WNK1: variants seen among roughly 807,000 people sequenced by gnomAD.
WNK1 encodes serine/threonine-protein kinase WNK1.
A neutral mutation model predicts 222.8 loss-of-function variants in WNK1; 38 were observed. The observed-to-expected ratio is 0.17, with a 90% CI of 0.13 to 0.22. The LOEUF is 0.22. WNK1 is among the 10% of genes least tolerant of loss of function. The pLI, the probability that WNK1 is intolerant of heterozygous loss-of-function variation, is 1.00. For synonymous variants in WNK1, 1,090 were observed against 1,092.9 expected, an observed-to-expected ratio of 1.00 and a Z score of 0.05; for missense variants, 2,348 against 2,918.4, an observed-to-expected ratio of 0.80 and a Z score of 4.50.
chr12:782,129 T>C (rs1487396048), intron 1 of WNK1, among the ~76,000 whole-genome samples: 1 of 152,208 alleles, frequency 6.6e-6, no homozygotes, highest in Non-Finnish European at 1.5e-5. Context: ...TTTTAAATCA[T>C]TGTCATCGAC....
chr12:800,281 A>G (rs1446930695), intron 1 of WNK1, among the ~76,000 whole-genome samples: 2 of 152,124 alleles, frequency 1.3e-5, no homozygotes, highest in African/African-American at 4.8e-5. Context: ...GACACATCCT[A>G]CTTTTGCTTT....
chr12:908,861 G>GGGGGGGGGGGGGGGGGA lies in WNK1; in HGVS notation c.*69_*70insGGGGGGGGGGGGGGGGA. 4.1e-6 allele frequency: 2 copies of GGGGGGGGGGGGGGGGGA among 491,846 alleles called. No homozygotes were observed. The highest frequency in any genetic ancestry group is 6.0e-5 in the East Asian group (1 of 16,748). 30.5% of individuals were successfully genotyped at this position (491,846 alleles called of 1,614,324 possible). On this transcript the variant is annotated 3_prime_UTR_variant, in exon 28 of 28. Transcript: ENST00000315939. ...ATGCTGAGGGGGTGGGTGGGGGTGG[G>GGGGGGGGGGGGGGGGGA]AAGTAGCCTATATACTAACTACTAG...
chr12:858,576 G>A (rs191297388), intron 5 of WNK1, among the ~76,000 whole-genome samples: 1 of 152,200 alleles, frequency 6.6e-6, no homozygotes, highest in East Asian at 1.9e-4. Context: ...TCAGACTTCT[G>A]CTTGCCCAGT....
intron 9 of WNK1, 100 bp from the exon 10 acceptor site, chr12:878,112 C>T (rs1952791451): frequency 1.4e-6 from 2 of 1,459,392 alleles, no homozygotes; most frequent in Admixed American, 1.7e-5. Flanking sequence ...CTAAAATCAT[C>T]ATTATTTACA....
rs182040848 is a variant in WNK1 at position 832,794 on chromosome 12, T to C, written c.1311+2634T>C. ...CAGATTCTAATACACAATATAATTG[T>C]AATCCCTGAAGCACTGACTCTCAAT... On this transcript the variant is annotated intron_variant, in intron 4 of 27. Coordinates refer to ENST00000315939, the MANE Select transcript of WNK1 (RefSeq NM_018979.4). Among the ~76,000 whole-genome samples the C allele has an allele frequency of 4.0e-3, 614 of 152,366 alleles. 1 individual carries two copies. Among genetic ancestry groups the C allele is most frequent in the Non-Finnish European group, 7.0e-3 (475 of 68,028 alleles).
At chr12:769,618 A>G (rs772090865) in intron 1 of WNK1, among the ~76,000 whole-genome samples, 20 of 152,148 alleles carry the variant, frequency 1.3e-4, no homozygotes, top group Non-Finnish European at 2.4e-4. Flanking sequence ...TGCAGCAGCA[A>G]TTTCTCCTGG....
At chr12:892,878 G>T (rs1954384115) in intron 22 of WNK1, among the ~76,000 whole-genome samples, 1 of 152,178 alleles carries the variant, frequency 6.6e-6, no homozygotes, top group Non-Finnish European at 1.5e-5. Context: ...GTCTACTACA[G>T]TCTTAAATGG....
At chr12:810,310 A>G (rs1037502277) in intron 1 of WNK1, among the ~76,000 whole-genome samples, 1 of 152,130 alleles carries the variant, frequency 6.6e-6, no homozygotes, top group African/African-American at 2.4e-5. Context: ...AGAAAATGAT[A>G]AGGAGGGAGT....
intron 9 of WNK1, among the ~76,000 whole-genome samples, chr12:872,226 A>G (rs2154075226): frequency 6.6e-6 from 1 of 152,294 alleles, no homozygotes; most frequent in Admixed American, 6.5e-5. Flanking sequence ...CCCAGGTTCA[A>G]GCTATTCTCA....
intron 22 of WNK1, among the ~76,000 whole-genome samples, chr12:892,109 G>A (rs535169910): frequency 6.7e-6 from 1 of 148,932 alleles, no homozygotes; most frequent in Non-Finnish European, 1.5e-5. Context: ...AAGTTTTAGG[G>A]TACATGTGCA....
rs376366849 is a variant in WNK1, at chr12:828,510, G to T, written c.1153+1248G>T. 5.3e-4 allele frequency among the ~76,000 whole-genome samples: 80 copies of T among 152,098 alleles called. 3 individuals are homozygous for T. In the Middle Eastern group the frequency reaches 0.014, roughly 26 times the overall value. ...TTTGTTGCAAGGGGCTGTCTTGTACGTTGTAAGACTCTGGGGCAGCATTCC... is the reference window on the plus strand; with the variant it reads ...TTTGTTGCAAGGGGCTGTCTTGTACTTTGTAAGACTCTGGGGCAGCATTCC... On this transcript the variant is annotated intron_variant, in intron 3 of 27. Transcript: ENST00000315939.
rs541804202 is a variant in WNK1 at position 814,282 on chromosome 12, T to C, written c.932+468T>C. Among the ~76,000 whole-genome samples the C allele has an allele frequency of 3.4e-3, 506 of 147,330 alleles. 2 individuals are homozygous for C. Among genetic ancestry groups the C allele is most frequent in the Non-Finnish European group, 5.3e-3 (359 of 67,390 alleles). On this transcript the variant is annotated intron_variant, in intron 2 of 27. Transcript: ENST00000315939. Reference sequence around the variant, plus strand: ...AGGCGGAGGTTGCAGTGAGCTGAGATCACCTCACTTCATTCCAGCCTAGGT... The same window carrying C: ...AGGCGGAGGTTGCAGTGAGCTGAGACCACCTCACTTCATTCCAGCCTAGGT...
chr12:754,076 C>T lies in WNK1; in HGVS notation c.511C>T (p.Leu171Phe), dbSNP rs201447798. The T allele has an allele frequency of 2.5e-5, 40 of 1,608,598 alleles. No homozygotes were observed. The East Asian group carries it at 7.6e-4, about 31-fold the overall frequency. ...AGACCGCCCAGTGTCCCAGCCTAGC[C>T]TTGTGGGGAGCAAAGAGGAGCCGCC... is the stretch of plus-strand genomic sequence containing the variant. ...SKDRPVSQPS[L>F]VGSKEEPPPA... Residue 171 changes from leucine to phenylalanine, a missense_variant, in exon 1 of 28, where the codon CTT becomes TTT. By Grantham distance (22) the Leu-to-Phe change is conservative. Transcript: ENST00000315939.
Position 885,564 on chromosome 12 carries a change from G to A in WNK1, c.4760G>A (p.Gly1587Glu). The A allele has an allele frequency of 6.2e-7, 1 of 1,613,976 alleles. No homozygotes were observed. The highest frequency in any genetic ancestry group is 8.5e-7 in the Non-Finnish European group (1 of 1,180,006). ...ACTCCTATTCTTCCCCAAGCAGCAG[G>A]ACCTACTTCTACACCTTTATTACCC... ...ASTPILPQAA[G>E]PTSTPLLPQV... The change falls in exon 19 of 28, where the codon GGA becomes GAA. Residue 1587 changes from glycine to glutamate, a missense_variant. Physicochemically the swap from Gly to Glu is moderately conservative, Grantham distance 98. Transcript: ENST00000315939.
chr12:792,973 A>G (rs1242107558), intron 1 of WNK1, among the ~76,000 whole-genome samples: 1 of 152,170 alleles, frequency 6.6e-6, no homozygotes, highest in African/African-American at 2.4e-5. Context: ...AAATGAGGGT[A>G]ATGTTTTAGT....
Position 883,942 on chromosome 12 carries a change from C to T in WNK1, c.3721+111C>T, listed in dbSNP as rs569798112. On this transcript the variant is annotated intron_variant, in intron 17 of 27. Transcript: ENST00000315939. ...ACTCAGGAGGCCGAGGCACGAGAAT[C>T]GCTTGAACCCAGGAGGCGGAGGTTG... is the stretch of plus-strand genomic sequence containing the variant. The T allele has an allele frequency of 1.5e-5, 22 of 1,497,212 alleles. No homozygotes were observed. The Admixed American group carries it at 2.0e-4, about 13-fold the overall frequency. 92.7% of individuals were successfully genotyped at this position (1,497,212 alleles called of 1,614,324 possible).
chr12:868,221 G>T, intron 8 of WNK1: 1 of 1,610,612 alleles, frequency 6.2e-7, no homozygotes, highest in South Asian at 1.1e-5. Context: ...AGTGACTATA[G>T]ACCTGGACTA....
chr12:880,004 A>C lies in WNK1; in HGVS notation c.2805A>C (p.Pro935=). 16 of 1,614,154 alleles carry C rather than the reference A, an allele frequency of 9.9e-6. No individual in the cohort carries two copies. The highest frequency in any genetic ancestry group is 1.4e-5 in the Non-Finnish European group (16 of 1,180,030). Residue 935 remains proline (P), a synonymous_variant, in exon 11 of 28, where the codon CCA becomes CCC. Coordinates refer to ENST00000315939, the MANE Select transcript of WNK1 (RefSeq NM_018979.4). The part of the protein sequence containing the change: ...PANLGQAAEV[P]LSSGDVLYQG... ...ACCTTGGACAAGCTGCTGAGGTTCC[A>C]CTTTCCTCTGGAGATGTTCTGTACC... is the stretch of plus-strand genomic sequence containing the variant.
Position 909,595 on chromosome 12 carries a change from G to A in WNK1, c.*803G>A, listed in dbSNP as rs997767961. 2.0e-5 allele frequency: 3 copies of A among 152,102 alleles called. No homozygotes were observed. Among genetic ancestry groups the A allele is most frequent in the Non-Finnish European group, 4.4e-5 (3 of 68,000 alleles). The allele number at this position is 152,102 out of a possible 1,614,324, so 9.4% of individuals were successfully genotyped here. A position where few individuals can be genotyped will look rare whatever the true frequency, so the allele number is the denominator to read the frequency against. ...TTGAGACACTTTAACTTTTTCCTTT[G>A]TATTTCCATTGTATTAGATAAATAA... is the stretch of plus-strand genomic sequence containing the variant. On this transcript the variant is annotated 3_prime_UTR_variant, in exon 28 of 28. Transcript: ENST00000315939.
Sources: allele counts gnomAD v4.1 joint callset (sites outside exome capture counted in the v4.1 genomes callset), GRCh38; gene constraint gnomAD v4.1.1; transcripts MANE v1.5; gene names NCBI Gene and HGNC (gene_info 2026-07-23, HGNC 2026-07-21).